The following LST1 variants were observed in gnomAD, a reference collection of about 807,000 sequenced individuals.
The protein encoded by LST1 is leukocyte specific transcript 1, also known as leukocyte-specific transcript 1 protein.
LST1 carries 9 observed loss-of-function variants against 8.5 expected under a neutral mutation model. That is an observed-to-expected ratio of 1.06 (90% CI 0.64 to 1.85). LST1 has a LOEUF of 1.85. LST1 is among the 40% of genes most tolerant of loss of function. The pLI, the probability that LST1 is intolerant of heterozygous loss-of-function variation, is 0.00. For synonymous variants in LST1, 53 were observed against 50.4 expected (o/e 1.05, Z -0.21); for missense variants, 121 against 117.1 (o/e 1.03, Z -0.16).
At position 31,587,739 on chromosome 6, in the gene LST1, C is replaced by T. The variant is rs761876066; in HGVS notation, c.112+6C>T. 7.6e-6 allele frequency: 12 copies of T among 1,582,656 alleles called. No homozygotes were observed. Among genetic ancestry groups the T allele is most frequent in the Admixed American group, 1.8e-5 (1 of 56,282 alleles). ...GTGTTGGCTGCATCGAAGAGGTGAGCGCTGCACTCCCTCCCTCCCCCTGCA... is the reference window on the plus strand; with the variant it reads ...GTGTTGGCTGCATCGAAGAGGTGAGTGCTGCACTCCCTCCCTCCCCCTGCA... On this transcript the variant is annotated splice_donor_region_variant and intron_variant, in intron 3 of 4. Transcript: ENST00000438075.
intron 1 of LST1, among the ~76,000 whole-genome samples, 177 bp downstream of exon 1, chr6:31,586,492 T>G (rs929326837): frequency 6.6e-6 from 1 of 152,174 alleles, no homozygotes; most frequent in Non-Finnish European, 1.5e-5. Flanking sequence ...CCCACGGCCC[T>G]TATGGCCTCC....
Position 31,588,905 on chromosome 6 carries a change from A to C in LST1, c.*229A>C, listed in dbSNP as rs1772344274. The C allele has an allele frequency of 1.1e-6, 1 of 921,132 alleles. No homozygotes were observed. The allele number at this position is 921,132 out of a possible 1,614,324, so 57.1% of individuals were successfully genotyped here. ...AAAAAAACACATGGCTCACCCTTCC[A>C]CCCACTCTGGGGTCAAATAGTAATT... On this transcript the variant is annotated 3_prime_UTR_variant, in exon 5 of 5. Coordinates refer to ENST00000438075, the MANE Select transcript of LST1 (RefSeq NM_205839.3).
intron 1 of LST1, 92 bp from the exon 2 acceptor site, chr6:31,587,108 T>C: frequency 1.6e-6 from 1 of 628,754 alleles, no homozygotes; most frequent in South Asian, 1.9e-5. Context: ...GGATTAGCAG[T>C]GAGGAATGGA....
chr6:31,588,447 G>T, intron 4 of LST1, 71 bp from the exon 5 acceptor site: 1 of 1,493,114 alleles, frequency 6.7e-7, no homozygotes, highest in South Asian at 1.2e-5. Context: ...AAGGCTGGAG[G>T]TGGGAGCAGA....
intron 3 of LST1, 67 bp downstream of exon 3, chr6:31,587,800 C>T: frequency 6.9e-7 from 1 of 1,457,094 alleles, no homozygotes; most frequent in Non-Finnish European, 9.3e-7. Context: ...CACACGCTTT[C>T]CCACTGCTTT....
chr6:31,587,642 T>C lies in LST1; in HGVS notation c.21T>C (p.Asp7=). 1.9e-6 allele frequency: 3 copies of C among 1,591,710 alleles called. No individual in the cohort carries two copies. The highest frequency in any genetic ancestry group is 1.1e-5 in the South Asian group (1 of 88,458). Residue 7 remains aspartate, a splice_region_variant and synonymous_variant, in exon 3 of 5, where the codon GAT becomes GAC. Coordinates refer to ENST00000438075, the MANE Select transcript of LST1 (RefSeq NM_205839.3). MLSRND[D]ICIYGGLGLG... is the part of the protein sequence containing the mutation. ...AACCTTGAGCCCTCTTCCCTGAAGA[T>C]ATATGTATCTACGGGGGCCTGGGGC...
intron 1 of LST1, among the ~76,000 whole-genome samples, chr6:31,586,522 AC>A (rs1771946716): frequency 6.6e-6 from 1 of 150,774 alleles, no homozygotes; most frequent in African/African-American, 2.4e-5. Flanking sequence ...TCTGCTCCCC[AC>A]CCCCCAGAAT....
chr6:31,588,646 T>C lies in LST1; in HGVS notation c.264T>C (p.Tyr88=), dbSNP rs781158507. 3.7e-6 allele frequency: 6 copies of C among 1,613,052 alleles called. No homozygotes were observed. The highest frequency in any genetic ancestry group is 1.7e-5 in the Admixed American group (1 of 60,008). The part of the protein sequence containing the change: ...RGTKEDPRAD[Y]ACIAENKPT ...CCAAGGAGGATCCAAGAGCTGACTA[T>C]GCCTGCATTGCTGAGAACAAACCCA... is the stretch of plus-strand genomic sequence containing the variant. Residue 88 remains tyrosine, a synonymous_variant, in exon 5 of 5, where the codon TAT becomes TAC. Transcript: ENST00000438075.
At chr6:31,588,400 GAGGGAGAGAGA>G in intron 4 of LST1, 107 bp from the exon 5 acceptor site, 1 of 954,614 alleles carries the variant, frequency 1.0e-6, no homozygotes, top group Non-Finnish European at 1.6e-6. Flanking sequence ...GAGAGAGAGA[GAGGGAGAGAGA>G]GAGAGAGAGA....
intron 4 of LST1, 68 bp downstream of exon 4, chr6:31,588,034 G>A: frequency 1.3e-6 from 2 of 1,506,352 alleles, no homozygotes; most frequent in Non-Finnish European, 1.8e-6. Flanking sequence ...GAGAAGCATG[G>A]CTGAGCGCTG....
rs1479673925 is a variant in LST1, at chr6:31,587,980, C to T, written c.135+14C>T. 1.9e-6 allele frequency: 3 copies of T among 1,605,582 alleles called. No homozygotes were observed. The highest frequency in any genetic ancestry group is 1.1e-5 in the South Asian group (1 of 90,090). ...GAGAGGAGCTGGGTGAGTCTGGGGACAGGGAAGGGGGAGGGCAAGAGAGAT... is the reference window on the plus strand; with the variant it reads ...GAGAGGAGCTGGGTGAGTCTGGGGATAGGGAAGGGGGAGGGCAAGAGAGAT... On this transcript the variant is annotated intron_variant, in intron 4 of 4. Transcript: ENST00000438075.
In LST1 at chr6:31,588,546, AC is replaced by A; in HGVS notation, c.165del (p.Tyr56MetfsTer64). The A allele has an allele frequency of 6.8e-6, 11 of 1,611,422 alleles. No individual in the cohort carries two copies. Among genetic ancestry groups the A allele is most frequent in the Non-Finnish European group, 9.3e-6 (11 of 1,179,278 alleles). On this transcript the variant is annotated frameshift_variant, in exon 5 of 5. Transcript: ENST00000438075. LOFTEE classifies it low-confidence loss of function (END_TRUNC). ...CAGGGCTCCTCAGAGCAGGAACTCC[AC>A]TATGCATCTCTGCAGAGGCTGCCAG... ...WAQGSSEQELHYASLQRLPVP... is the reference protein window; with the variant it reads ...WAQGSSEQELXYASLQRLPVP...
At position 31,588,584 on chromosome 6, in the gene LST1, G is replaced by A. The variant is rs762815428; in HGVS notation, c.202G>A (p.Glu68Lys). 2 of 1,612,914 alleles carry A rather than the reference G, an allele frequency of 1.2e-6. No individual in the cohort carries two copies. Among genetic ancestry groups the A allele is most frequent in the Non-Finnish European group, 1.7e-6 (2 of 1,179,988 alleles). The change falls in exon 5 of 5, where the codon GAG becomes AAG. Residue 68 changes from glutamate (E) to lysine (K), a missense_variant. By Grantham distance (56) the Glu-to-Lys change is moderately conservative (BLOSUM62 1). Coordinates refer to ENST00000438075, the MANE Select transcript of LST1 (RefSeq NM_205839.3). The part of the protein sequence containing the change: ...SLQRLPVPSS[E>K]GPDLRGRDKR... ...GCAGAGGCTGCCAGTGCCCAGCAGTGAGGGACCTGACCTCAGGGGCAGAGA... is the reference window on the plus strand; with the variant it reads ...GCAGAGGCTGCCAGTGCCCAGCAGTAAGGGACCTGACCTCAGGGGCAGAGA...
At chr6:31,587,995 G>T in intron 4 of LST1, 29 bp downstream of exon 4, 2 of 1,593,724 alleles carry the variant, frequency 1.3e-6, no homozygotes, top group South Asian at 2.3e-5. Flanking sequence ...AAGGGGGAGG[G>T]CAAGAGAGAT....
At position 31,588,571 on chromosome 6, in the gene LST1, A is replaced by C. The variant is rs1164078632; in HGVS notation, c.189A>C (p.Pro63=). 3.1e-6 allele frequency: 5 copies of C among 1,612,858 alleles called. No individual in the cohort carries two copies. Among genetic ancestry groups the C allele is most frequent in the African/African-American group, 1.3e-5 (1 of 75,058 alleles). ...ELHYASLQRL[P]VPSSEGPDLR... ...ACTATGCATCTCTGCAGAGGCTGCC[A>C]GTGCCCAGCAGTGAGGGACCTGACC... is the stretch of plus-strand genomic sequence containing the variant. The change falls in exon 5 of 5, where the codon CCA becomes CCC. Residue 63 remains proline (P), a synonymous_variant. Coordinates refer to ENST00000438075, the MANE Select transcript of LST1 (RefSeq NM_205839.3).
Position 31,587,197 on chromosome 6 carries a change from C to T in LST1, c.-100-3C>T. ...TTATAACAGAGGGCCCCTCACTTCA[C>T]AGATGAGGAACTTGAGGCAAGTCAC... On this transcript the variant is annotated splice_region_variant and splice_polypyrimidine_tract_variant and intron_variant, in intron 1 of 4. Coordinates refer to ENST00000438075, the MANE Select transcript of LST1 (RefSeq NM_205839.3). 1 of 788,046 alleles carries T rather than the reference C, an allele frequency of 1.3e-6. No individual in the cohort carries two copies. The highest frequency in any genetic ancestry group is 2.3e-6 in the Non-Finnish European group (1 of 444,150). The allele number at this position is 788,046 out of a possible 1,614,324, so 48.8% of individuals were successfully genotyped here.
At position 31,588,522 on chromosome 6, in the gene LST1, A is replaced by G. The variant is rs772248199; in HGVS notation, c.140A>G (p.Gln47Arg). ...CACCTTCTGTCCTGGTCCCAGGCCC[A>G]GGGCTCCTCAGAGCAGGAACTCCAC... The part of the protein sequence containing the change: ...RVKRLERSWA[Q>R]GSSEQELHYA... Residue 47 changes from glutamine to arginine, a missense_variant, in exon 5 of 5, where the codon CAG becomes CGG. By Grantham distance (43) the Gln-to-Arg change is conservative. Transcript: ENST00000438075. 3 of 1,602,622 alleles carry G rather than the reference A, an allele frequency of 1.9e-6. No homozygotes were observed. The South Asian group carries it at 3.3e-5, about 18-fold the overall frequency.
chr6:31,588,671 A>T lies in LST1; in HGVS notation c.289A>T (p.Thr97Ser). The T allele has an allele frequency of 6.2e-7, 1 of 1,612,988 alleles. No individual in the cohort carries two copies. The highest frequency in any genetic ancestry group is 8.5e-7 in the Non-Finnish European group (1 of 1,179,984). Residue 97 changes from threonine (T) to serine (S), a missense_variant, in exon 5 of 5, where the codon ACC becomes TCC. Transcript: ENST00000438075. ...DYACIAENKPT is the reference protein window; with the variant it reads ...DYACIAENKPS Reference sequence around the variant, plus strand: ...TGCCTGCATTGCTGAGAACAAACCCACCTGAGCACCCCAGACACCTTCCTC... The same window carrying T: ...TGCCTGCATTGCTGAGAACAAACCCTCCTGAGCACCCCAGACACCTTCCTC...
At chr6:31,587,865 C>A (rs1446341883) in intron 3 of LST1, 79 bp from the exon 4 acceptor site, 21 of 1,568,050 alleles carry the variant, frequency 1.3e-5, no homozygotes, top group Non-Finnish European at 1.6e-5. Context: ...GGAGTCCACG[C>A]CTGCTGGTGG....
Sources: gnomAD v4.1 joint callset for allele counts (sites outside exome capture counted in the v4.1 genomes callset) on GRCh38, gnomAD v4.1.1 for gene constraint, MANE v1.5 for transcripts, NCBI Gene and HGNC (gene_info 2026-07-23, HGNC 2026-07-21) for gene names.